Variants in GADD45B observed in about 807,000 individuals in gnomAD.
The protein encoded by GADD45B is growth arrest and DNA damage inducible beta, also known as growth arrest and DNA damage-inducible protein GADD45 beta.
A neutral mutation model predicts 15.2 loss-of-function variants in GADD45B; 8 were observed. The observed-to-expected ratio is 0.53, with a 90% confidence interval of 0.31 to 0.95. The LOEUF (loss-of-function observed/expected upper bound fraction) is 0.95, where lower values mean the gene tolerates loss of function less well. GADD45B is among the 40% of genes least tolerant of loss of function. The probability of loss-of-function intolerance (pLI) is 0.05; values close to 1 mark genes in which losing one functional copy is unlikely to be tolerated. For synonymous variants in GADD45B, 100 were observed against 89.8 expected (o/e 1.11, Z -0.64); for missense variants, 162 against 216.6 (o/e 0.75, Z 1.58).
At chr19:2,476,996 G>C (rs1972326406) in intron 2 of GADD45B, 33 bp from the exon 3 acceptor site, 1 of 1,477,776 alleles carries the variant, frequency 6.8e-7, no homozygotes, top group South Asian at 1.1e-5. Context: ...CCCTGTCCCC[G>C]GCTGACCCAT....
rs377302784 is a variant in GADD45B at position 2,477,442 on chromosome 19, C to T, written c.370-46C>T. The T allele has an allele frequency of 2.9e-6, 4 of 1,365,174 alleles. No individual in the cohort carries two copies. The highest frequency in any genetic ancestry group is 4.1e-6 in the Non-Finnish European group (4 of 964,150). 84.6% of individuals were successfully genotyped at this position (1,365,174 alleles called of 1,614,324 possible). ...TGACTGTTTTCCCCACACAGGGGCC[C>T]CGGGAGAGGGAGGCTCCACTAAACC... On this transcript the variant is annotated intron_variant, in intron 3 of 3. Transcript: ENST00000215631. The surrounding 1 kb of genome is among the most constrained non-coding windows in gnomAD (Gnocchi z 4.2).
chr19:2,476,396 C>A lies in GADD45B; in HGVS notation c.38C>A (p.Ala13Glu). 1 of 1,613,342 alleles carries A rather than the reference C, an allele frequency of 6.2e-7. No individual in the cohort carries two copies. The highest frequency in any genetic ancestry group is 8.5e-7 in the Non-Finnish European group (1 of 1,179,876). ...LEELVACDNA[A>E]QKMQTVTAAV... is the part of the protein sequence containing the mutation. ...GAGCTCGTGGCGTGCGACAACGCGG[C>A]GCAGAAGTAAGTAGCCGGGGCTGCC... is the stretch of plus-strand genomic sequence containing the variant. Residue 13 changes from alanine to glutamate, a missense_variant, in exon 1 of 4, where the codon GCG becomes GAG. Physicochemically the swap from Ala to Glu is moderately radical, Grantham distance 107 (BLOSUM62 -1). Coordinates refer to ENST00000215631, the MANE Select transcript of GADD45B (RefSeq NM_015675.4).
At position 2,477,137 on chromosome 19, in the gene GADD45B, C is replaced by G. The variant is rs201469472; in HGVS notation, c.255C>G (p.Asn85Lys). The G allele has an allele frequency of 6.2e-7, 1 of 1,613,830 alleles. No homozygotes were observed. Among genetic ancestry groups the G allele is most frequent in the African/African-American group, 1.3e-5 (1 of 75,044 alleles). The change falls in exon 3 of 4, where the codon AAC becomes AAG. Residue 85 changes from asparagine to lysine, a missense_variant. Physicochemically the swap from Asn to Lys is moderately conservative, Grantham distance 94 (BLOSUM62 0). Transcript: ENST00000215631. The surrounding 1 kb of genome is among the most constrained non-coding windows in gnomAD (Gnocchi z 4.2). ...FTLIQSFCCD[N>K]DINIVRVSGM... ...TCATCCAGTCCTTCTGCTGTGACAA[C>G]GACATCAACATCGTGCGGGTGTCGG...
chr19:2,476,513 T>C lies in GADD45B; in HGVS notation c.45-16T>C. On this transcript the variant is annotated splice_polypyrimidine_tract_variant and intron_variant, in intron 1 of 3. Transcript: ENST00000215631. ...CGGTGGTCCGCCCGTCACTGATCCC[T>C]CTTTCCTGGTCTCAGGATGCAGACG... is the stretch of plus-strand genomic sequence containing the variant. 6.2e-7 allele frequency: 1 copy of C among 1,605,620 alleles called. No homozygotes were observed. The highest frequency in any genetic ancestry group is 8.5e-7 in the Non-Finnish European group (1 of 1,173,688).
intron 2 of GADD45B, 116 bp downstream of exon 2, chr19:2,476,746 G>T: frequency 4.5e-6 from 3 of 667,516 alleles, no homozygotes; most frequent in South Asian, 3.8e-5. Flanking sequence ...AGTGCCCCCC[G>T]CTGTGGATGC....
chr19:2,477,434 C>T lies in GADD45B; in HGVS notation c.370-54C>T, dbSNP rs1293008452. On this transcript the variant is annotated intron_variant, in intron 3 of 3. Coordinates refer to ENST00000215631, the MANE Select transcript of GADD45B (RefSeq NM_015675.4). The surrounding 1 kb of genome is among the most constrained non-coding windows in gnomAD (Gnocchi z 4.2). ...TTTGAGCCTGACTGTTTTCCCCACA[C>T]AGGGGCCCCGGGAGAGGGAGGCTCC... is the stretch of plus-strand genomic sequence containing the variant. 4 of 1,305,152 alleles carry T rather than the reference C, an allele frequency of 3.1e-6. No individual in the cohort carries two copies. Among genetic ancestry groups the T allele is most frequent in the South Asian group, 2.4e-5 (2 of 81,678 alleles). 80.8% of individuals were successfully genotyped at this position (1,305,152 alleles called of 1,614,324 possible).
Position 2,477,399 on chromosome 19 carries a change from AG to A in GADD45B, c.370-87del, listed in dbSNP as rs1391382295. ...CAGCCGGGCTGGGGCCTCCTCACCC[AG>A]GAAGCTATTTTGAGCCTGACTGTTT... On this transcript the variant is annotated intron_variant, in intron 3 of 3. Transcript: ENST00000215631. This position sits in a 1 kb window ranked among gnomAD's most constrained non-coding sequence, Gnocchi z 4.2. 2.8e-6 allele frequency: 3 copies of A among 1,055,234 alleles called. No homozygotes were observed. The highest frequency in any genetic ancestry group is 4.2e-6 in the Non-Finnish European group (3 of 712,124). 65.4% of individuals were successfully genotyped at this position (1,055,234 alleles called of 1,614,324 possible).
chr19:2,476,920 C>T (rs1972324724), intron 2 of GADD45B, 109 bp from the exon 3 acceptor site: 2 of 699,956 alleles, frequency 2.9e-6, no homozygotes, highest in Middle Eastern at 2.7e-4. Context: ...CCCCTGCACC[C>T]TTGCAGTTTC....
Position 2,477,095 on chromosome 19 carries a change from G to A in GADD45B, c.213G>A (p.Leu71=). The A allele has an allele frequency of 1.2e-6, 2 of 1,614,004 alleles. No homozygotes were observed. Among genetic ancestry groups the A allele is most frequent in the Non-Finnish European group, 8.5e-7 (1 of 1,179,952 alleles). Reference sequence around the variant, plus strand: ...AGGAGGAGGAGGATGACATCGCCCTGCAAATCCACTTCACGCTCATCCAGT... The same window carrying A: ...AGGAGGAGGAGGATGACATCGCCCTACAAATCCACTTCACGCTCATCCAGT... The part of the protein sequence containing the change: ...IDEEEEDDIA[L]QIHFTLIQSF... Residue 71 remains leucine, a synonymous_variant, in exon 3 of 4, where the codon CTG becomes CTA. Coordinates refer to ENST00000215631, the MANE Select transcript of GADD45B (RefSeq NM_015675.4). The surrounding 1 kb of genome is among the most constrained non-coding windows in gnomAD (Gnocchi z 4.2).
rs535209450 is a variant in GADD45B, at chr19:2,477,415, C to T, written c.370-73C>T. 45 of 1,146,176 alleles carry T rather than the reference C, an allele frequency of 3.9e-5. No individual in the cohort carries two copies. The South Asian group carries it at 5.6e-4, about 14-fold the overall frequency. The allele number at this position is 1,146,176 out of a possible 1,614,324, so 71.0% of individuals were successfully genotyped here. A position where few individuals can be genotyped will look rare whatever the true frequency, so the allele number is the denominator to read the frequency against. The stretch of plus-strand genomic sequence containing the variant: ...TCCTCACCCAGGAAGCTATTTTGAG[C>T]CTGACTGTTTTCCCCACACAGGGGC... On this transcript the variant is annotated intron_variant, in intron 3 of 3. Transcript: ENST00000215631. The surrounding 1 kb of genome is among the most constrained non-coding windows in gnomAD (Gnocchi z 4.2).
intron 2 of GADD45B, 179 bp from the exon 3 acceptor site, chr19:2,476,850 C>G: frequency 1.6e-6 from 1 of 613,918 alleles, no homozygotes. Context: ...CTCCCCCTAC[C>G]CCATACTTTG....
Position 2,477,640 on chromosome 19 carries a change from C to T in GADD45B, c.*39C>T. 8.9e-7 allele frequency: 1 copy of T among 1,125,254 alleles called. No homozygotes were observed. The allele number at this position is 1,125,254 out of a possible 1,614,324, so 69.7% of individuals were successfully genotyped here. On this transcript the variant is annotated 3_prime_UTR_variant, in exon 4 of 4. Transcript: ENST00000215631. This position sits in a 1 kb window ranked among gnomAD's most constrained non-coding sequence, Gnocchi z 4.2. ...AGCAGAATCTGTTGAGTTGCTGCCA[C>T]AAACAAAAAATACAATAAATATTTG...
intron 2 of GADD45B, 188 bp downstream of exon 2, chr19:2,476,818 AC>A: frequency 1.7e-6 from 1 of 600,624 alleles, no homozygotes; most frequent in Admixed American, 3.0e-5. Flanking sequence ...GTCTGCAAAC[AC>A]CCCTCCCGCC....
At chr19:2,476,668 G>A in intron 2 of GADD45B, 38 bp downstream of exon 2, 1 of 1,257,790 alleles carries the variant, frequency 8.0e-7, no homozygotes, top group South Asian at 1.4e-5. Flanking sequence ...GCGCGGGTGG[G>A]ACGGGACCTC....
Position 2,477,392 on chromosome 19 carries a change from C to A in GADD45B, c.370-96C>A. 1 of 1,038,102 alleles carries A rather than the reference C, an allele frequency of 9.6e-7. No individual in the cohort carries two copies. 64.3% of individuals were successfully genotyped at this position (1,038,102 alleles called of 1,614,324 possible). A position where few individuals can be genotyped will look rare whatever the true frequency, so the allele number is the denominator to read the frequency against. On this transcript the variant is annotated intron_variant, in intron 3 of 3. Coordinates refer to ENST00000215631, the MANE Select transcript of GADD45B (RefSeq NM_015675.4). The surrounding 1 kb of genome is among the most constrained non-coding windows in gnomAD (Gnocchi z 4.2). The stretch of plus-strand genomic sequence containing the variant: ...CCGTGGGCAGCCGGGCTGGGGCCTC[C>A]TCACCCAGGAAGCTATTTTGAGCCT...
Position 2,476,592 on chromosome 19 carries a change from C to T in GADD45B, c.108C>T (p.Leu36=). The part of the protein sequence containing the change: ...LLVAAQRQDR[L]TVGVYESAKL... ...TGGCCGCTCAGCGCCAGGATCGCCT[C>T]ACAGTGGGGGTGTACGAGTCGGCCA... is the stretch of plus-strand genomic sequence containing the variant. The change falls in exon 2 of 4, where the codon CTC becomes CTT. Residue 36 remains leucine, a synonymous_variant. Transcript: ENST00000215631. 1 of 1,600,348 alleles carries T rather than the reference C, an allele frequency of 6.2e-7. No individual in the cohort carries two copies. Among genetic ancestry groups the T allele is most frequent in the Non-Finnish European group, 8.5e-7 (1 of 1,171,394 alleles).
In GADD45B at chr19:2,476,168, C is replaced by T. The variant is rs1382342009; in HGVS notation, c.-191C>T. On this transcript the variant is annotated 5_prime_UTR_variant, in exon 1 of 4. Coordinates refer to ENST00000215631, the MANE Select transcript of GADD45B (RefSeq NM_015675.4). The stretch of plus-strand genomic sequence containing the variant: ...GGACTACCGTTGGTTTCCGCAACTT[C>T]CTGGATTATCCTCGCCAAGGACTTT... 3 of 640,244 alleles carry T rather than the reference C, an allele frequency of 4.7e-6. No homozygotes were observed. The highest frequency in any genetic ancestry group is 8.3e-6 in the Non-Finnish European group (3 of 363,464). 39.7% of individuals were successfully genotyped at this position (640,244 alleles called of 1,614,324 possible).
In GADD45B at chr19:2,477,699, CAA is replaced by C; in HGVS notation, c.*99_*100del. 3.3e-6 allele frequency: 2 copies of C among 598,852 alleles called. No homozygotes were observed. Among genetic ancestry groups the C allele is most frequent in the Non-Finnish European group, 5.9e-6 (2 of 336,796 alleles). 37.1% of individuals were successfully genotyped at this position (598,852 alleles called of 1,614,324 possible). On this transcript the variant is annotated 3_prime_UTR_variant, in exon 4 of 4. Transcript: ENST00000215631. This position sits in a 1 kb window ranked among gnomAD's most constrained non-coding sequence, Gnocchi z 4.2. ...CCCCCCCAGCACAACCCCCCCAAAA[CAA>C]CCCAACCCACGAGGACCATCGGGGG...
rs1046756200 is a variant in GADD45B at position 2,476,512 on chromosome 19, C to T, written c.45-17C>T. 1 of 1,607,048 alleles carries T rather than the reference C, an allele frequency of 6.2e-7. No individual in the cohort carries two copies. ...CCGGTGGTCCGCCCGTCACTGATCC[C>T]TCTTTCCTGGTCTCAGGATGCAGAC... is the stretch of plus-strand genomic sequence containing the variant. On this transcript the variant is annotated splice_polypyrimidine_tract_variant and intron_variant, in intron 1 of 3. Transcript: ENST00000215631.
Sources: gnomAD v4.1 joint callset for allele counts on GRCh38, gnomAD v4.1.1 for gene constraint, Gnocchi (gnomAD v3.1) non-coding constraint, MANE v1.5 for transcripts, NCBI Gene and HGNC (gene_info 2026-07-23, HGNC 2026-07-21) for gene names.